CDH18: variants seen among roughly 807,000 people sequenced by gnomAD.
The protein encoded by CDH18 is cadherin-18.
A neutral mutation model predicts 67.9 loss-of-function variants in CDH18; 31 were observed. That is an observed-to-expected ratio of 0.46 (90% CI 0.34 to 0.62). The LOEUF is 0.62. Among genes scored for constraint, CDH18 ranks in the 20% least tolerant of loss-of-function variants. The pLI is 0.01. For synonymous variants in CDH18, 362 were observed against 347.2 expected (o/e 1.04, Z -0.48); for missense variants, 890 against 975.5 (o/e 0.91, Z 1.17).
intron 2 of CDH18, among the ~76,000 whole-genome samples, chr5:19,871,392 T>G (rs77836854): frequency 1.4e-5 from 1 of 73,744 alleles, no homozygotes; most frequent in South Asian, 5.5e-4. Context: ...TTATCACATC[T>G]TTTTTTATTT....
At chr5:20,329,873 T>C (rs1739002339) in intron 1 of CDH18, among the ~76,000 whole-genome samples, 1 of 150,846 alleles carries the variant, frequency 6.6e-6, no homozygotes, top group Admixed American at 6.6e-5. Flanking sequence ...GAAAGATACA[T>C]GTATTTCAGA....
intron 1 of CDH18, among the ~76,000 whole-genome samples, chr5:20,322,717 T>G (rs1738157288): frequency 6.6e-6 from 1 of 152,126 alleles, no homozygotes; most frequent in Admixed American, 6.6e-5. Context: ...AAAAATATAA[T>G]TCTTCAAAGA....
chr5:20,304,889 T>C lies in CDH18; in HGVS notation c.-579-49384A>G, dbSNP rs2149975788. 2.5e-6 allele frequency: 4 copies of C among 1,612,114 alleles called. No homozygotes were observed. In the East Asian group the frequency reaches 8.9e-5, roughly 36 times the overall value. ...TTTGCTAAATATTTCTCATAGTCTT[T>C]AAAGATAGGTGTCAGATCACAGAGG... On this transcript the variant is annotated intron_variant, in intron 1 of 14. Transcript: ENST00000507958.
rs114111363 is a variant in CDH18, at chr5:20,361,847, A to C, written c.-579-106342T>G. On this transcript the variant is annotated intron_variant, in intron 1 of 14. Transcript: ENST00000507958. ...GTTTTCAAACTATTTTAAATAAGAA[A>C]AATTTTAAATATGTTTCATAGTATA... 7.7e-3 allele frequency among the ~76,000 whole-genome samples: 1,176 copies of C among 152,274 alleles called. 11 individuals carry two copies. The highest frequency in any genetic ancestry group is 0.025 in the African/African-American group (1,058 of 41,572).
At chr5:19,861,110 T>G (rs1421704849) in intron 2 of CDH18, among the ~76,000 whole-genome samples, 1 of 152,172 alleles carries the variant, frequency 6.6e-6, no homozygotes, top group Admixed American at 6.5e-5. Context: ...AGTGTTCCCA[T>G]TGAGGACCTA....
intron 11 of CDH18, 165 bp downstream of exon 11, chr5:19,502,827 C>T (rs1312646773): frequency 6.2e-6 from 4 of 644,202 alleles, no homozygotes; most frequent in African/African-American, 1.8e-5. Context: ...GTACATATGG[C>T]TCAATTTTAA....
chr5:19,814,983 T>C lies in CDH18; in HGVS notation c.228+23776A>G, dbSNP rs900162943. On this transcript the variant is annotated intron_variant, in intron 3 of 12. Transcript: ENST00000382275. ...ATGTGTATTGCTGAACTTTAAAAATTTGTCAGTGTAGACTTAGGAAATGCT... is the reference window on the plus strand; with the variant it reads ...ATGTGTATTGCTGAACTTTAAAAATCTGTCAGTGTAGACTTAGGAAATGCT... 3.9e-5 allele frequency among the ~76,000 whole-genome samples: 6 copies of C among 152,104 alleles called. No individual in the cohort carries two copies. The East Asian group carries it at 9.7e-4, about 24-fold the overall frequency.
rs566706091 is a variant in CDH18 at position 20,030,781 on chromosome 5, A to C, written c.-517-38767T>G. Among the ~76,000 whole-genome samples, 63 of 152,256 alleles carry C rather than the reference A, an allele frequency of 4.1e-4. 1 individual carries two copies. The highest frequency in any genetic ancestry group is 1.4e-3 in the African/African-American group (57 of 41,562). ...TAGGCCATGCAGAGTGTCCTACACTATCTGAAAGAAAGTGGATTTTATAAG... is the reference window on the plus strand; with the variant it reads ...TAGGCCATGCAGAGTGTCCTACACTCTCTGAAAGAAAGTGGATTTTATAAG... On this transcript the variant is annotated intron_variant, in intron 2 of 14. Transcript: ENST00000507958.
intron 3 of CDH18, among the ~76,000 whole-genome samples, chr5:19,784,509 T>C (rs533585570): frequency 6.6e-6 from 1 of 152,318 alleles, no homozygotes; most frequent in South Asian, 2.1e-4. Flanking sequence ...TCCATCTCCT[T>C]TTCTTTGTTT....
At chr5:19,807,549 T>C (rs9885057) in intron 3 of CDH18, among the ~76,000 whole-genome samples, 83,588 of 151,816 alleles carry the variant, frequency 0.55, 23,320 homozygotes, top group Middle Eastern at 0.68. Context: ...AGAAGTGTAG[T>C]TTTCTCTCTC....
At chr5:20,483,309 G>A (rs905046440) in intron 1 of CDH18, among the ~76,000 whole-genome samples, 8 of 151,978 alleles carry the variant, frequency 5.3e-5, no homozygotes, top group Non-Finnish European at 8.8e-5. Context: ...TTTTTGAATT[G>A]GAAGAATCAA....
At chr5:20,512,903 C>A (rs932760882) in intron 1 of CDH18, among the ~76,000 whole-genome samples, 1 of 146,416 alleles carries the variant, frequency 6.8e-6, no homozygotes, top group African/African-American at 2.5e-5. Flanking sequence ...AAAAAAAAAT[C>A]GACTCAGCTC....
chr5:19,547,798 T>A (rs2127113049), intron 8 of CDH18, among the ~76,000 whole-genome samples: 1 of 152,322 alleles, frequency 6.6e-6, no homozygotes, highest in Middle Eastern at 3.4e-3. Flanking sequence ...TTGTGGGCGA[T>A]GCTTGGATCC....
intron 11 of CDH18, among the ~76,000 whole-genome samples, chr5:19,483,939 G>A (rs759255033): frequency 6.6e-6 from 1 of 152,156 alleles, no homozygotes; most frequent in Non-Finnish European, 1.5e-5. Flanking sequence ...TCTGAATATA[G>A]GTAATAGGAG....
intron 5 of CDH18, among the ~76,000 whole-genome samples, chr5:19,641,358 T>C (rs1332647153): frequency 2.6e-5 from 4 of 151,946 alleles, no homozygotes; most frequent in Non-Finnish European, 5.9e-5. Context: ...TGAATCACCC[T>C]GATACCAAAA....
chr5:20,317,912 C>T (rs1737624714), intron 1 of CDH18, among the ~76,000 whole-genome samples: 1 of 152,114 alleles, frequency 6.6e-6, no homozygotes, highest in Non-Finnish European at 1.5e-5. Context: ...AAAACTAAAA[C>T]AAAATTACTT....
chr5:20,341,352 T>C (rs2150043655), intron 1 of CDH18, among the ~76,000 whole-genome samples: 1 of 152,156 alleles, frequency 6.6e-6, no homozygotes, highest in Non-Finnish European at 1.5e-5. Flanking sequence ...TACATTTTTC[T>C]CCCATACAGG....
intron 5 of CDH18, among the ~76,000 whole-genome samples, chr5:19,699,277 T>C (rs773350179): frequency 3.3e-5 from 5 of 152,164 alleles, no homozygotes; most frequent in Non-Finnish European, 5.9e-5. Flanking sequence ...TGTTCCCAAA[T>C]AACCTGCAAT....
At chr5:19,606,189 T>A (rs1372809389) in intron 6 of CDH18, among the ~76,000 whole-genome samples, 1 of 152,096 alleles carries the variant, frequency 6.6e-6, no homozygotes, top group Non-Finnish European at 1.5e-5. Flanking sequence ...ATTTAAGTAA[T>A]CCACACTGTA....
Sources: allele counts gnomAD v4.1 joint callset (sites outside exome capture counted in the v4.1 genomes callset), GRCh38; gene constraint gnomAD v4.1.1; transcripts MANE v1.5; gene names NCBI Gene and HGNC (gene_info 2026-07-23, HGNC 2026-07-21).